The following PHACTR3 variants were observed in gnomAD, a reference collection of about 807,000 sequenced individuals.
PHACTR3 encodes the protein protein phosphatase 1, regulatory subunit 123.
Under a neutral mutation model 66.8 loss-of-function variants are expected in PHACTR3, and 16 were observed. That is an observed-to-expected ratio of 0.24 (90% confidence interval 0.16 to 0.36). PHACTR3 has a LOEUF of 0.36. Ranked by LOEUF, PHACTR3 falls within the 10% of genes least tolerant of loss-of-function variation. The pLI is 1.00. For synonymous variants in PHACTR3, 323 were observed against 292.1 expected, an observed-to-expected ratio of 1.11 and a Z score of -1.08; for missense variants, 647 against 719.9, an observed-to-expected ratio of 0.90 and a Z score of 1.16.
In PHACTR3 at chr20:59,828,372, C is replaced by T. The variant is rs75947733; in HGVS notation, c.1329-8133C>T. On this transcript the variant is annotated intron_variant, in intron 8 of 12. Transcript: ENST00000371015. ...CACTGTGATGGTGATTTTTCTGTAG[C>T]GGCAGCATTGGCATTGTGTGCTGTG... 5.8e-4 allele frequency among the ~76,000 whole-genome samples: 88 copies of T among 152,308 alleles called. 1 individual carries two copies. In the East Asian group the frequency reaches 8.5e-3, roughly 15 times the overall value.
intron 3 of PHACTR3, among the ~76,000 whole-genome samples, chr20:59,753,375 G>A (rs912922443): frequency 2.6e-5 from 4 of 152,154 alleles, no homozygotes; most frequent in African/African-American, 7.2e-5. Flanking sequence ...GCGGCAGAGG[G>A]AATATGATCA....
intron 7 of PHACTR3, among the ~76,000 whole-genome samples, chr20:59,780,856 A>G (rs942338794): frequency 2.0e-5 from 3 of 152,162 alleles, no homozygotes; most frequent in Non-Finnish European, 4.4e-5. Context: ...GGGTGACAAG[A>G]AAGTTCTTAT....
At chr20:59,657,132 G>A (rs1382578029) in intron 1 of PHACTR3, among the ~76,000 whole-genome samples, 1 of 151,836 alleles carries the variant, frequency 6.6e-6, no homozygotes, top group Non-Finnish European at 1.5e-5. Flanking sequence ...TTGTTCTTGT[G>A]GATTCAAGTT....
Position 59,633,666 on chromosome 20 carries a change from G to T in PHACTR3, c.118+28534G>T, listed in dbSNP as rs138189336. On this transcript the variant is annotated intron_variant, in intron 1 of 12. Transcript: ENST00000371015. ...AATAAAAGAAAATAGAAGCTCACTT[G>T]CCTGGATACTTTAATATTGCCTGGG... 1.3e-3 allele frequency among the ~76,000 whole-genome samples: 204 copies of T among 152,286 alleles called. 1 individual carries two copies. The highest frequency in any genetic ancestry group is 4.4e-3 in the African/African-American group (181 of 41,540).
chr20:59,584,121 G>A (rs2032945610), intron 1 of PHACTR3, among the ~76,000 whole-genome samples: 1 of 152,208 alleles, frequency 6.6e-6, no homozygotes, highest in South Asian at 2.1e-4. Context: ...TGTGTGCAAC[G>A]GGGCAGCCCT....
chr20:59,740,387 C>T (rs1002276143), intron 1 of PHACTR3, among the ~76,000 whole-genome samples: 3 of 152,200 alleles, frequency 2.0e-5, no homozygotes, highest in Admixed American at 1.3e-4. Flanking sequence ...TAGCTCACTG[C>T]AGTCTTGACC....
intron 1 of PHACTR3, among the ~76,000 whole-genome samples, chr20:59,590,248 T>C (rs1221541888): frequency 1.3e-5 from 2 of 152,254 alleles, no homozygotes; most frequent in African/African-American, 4.8e-5. Context: ...CTGAGTGCTA[T>C]TCCCTAGTGT....
chr20:59,662,860 AG>A (rs1407800123), intron 1 of PHACTR3, among the ~76,000 whole-genome samples: 1 of 152,166 alleles, frequency 6.6e-6, no homozygotes, highest in Non-Finnish European at 1.5e-5. Flanking sequence ...CGGACTTCAC[AG>A]GGAGGGTGAA....
At chr20:59,846,336 G>C (rs1469156543) in intron 12 of PHACTR3, among the ~76,000 whole-genome samples, 1 of 152,110 alleles carries the variant, frequency 6.6e-6, no homozygotes, top group African/African-American at 2.4e-5. Flanking sequence ...AATATATCAA[G>C]GGGAAGGGAA....
In PHACTR3 at chr20:59,772,422, G is replaced by A. The variant is rs890202956; in HGVS notation, c.752-857G>A. On this transcript the variant is annotated intron_variant, in intron 5 of 12. Transcript: ENST00000371015. Reference sequence around the variant, plus strand: ...AGGAGCAAGAAACAGACTGGGCAGCGTGATTCACTCCAAGTAAGAGGAAAA... The same window carrying A: ...AGGAGCAAGAAACAGACTGGGCAGCATGATTCACTCCAAGTAAGAGGAAAA... Among the ~76,000 whole-genome samples the A allele has an allele frequency of 4.6e-5, 7 of 152,318 alleles. No homozygotes were observed. In the South Asian group the frequency reaches 6.2e-4, roughly 14 times the overall value.
chr20:59,677,321 G>T (rs1223411936), intron 1 of PHACTR3, among the ~76,000 whole-genome samples: 2 of 152,164 alleles, frequency 1.3e-5, no homozygotes, highest in Non-Finnish European at 2.9e-5. Context: ...GTCCTTCCGG[G>T]ATCTCCACCA....
At position 59,724,442 on chromosome 20, in the gene PHACTR3, G is replaced by A. The variant is rs144982588; in HGVS notation, c.119-18665G>A. On this transcript the variant is annotated intron_variant, in intron 1 of 12. Transcript: ENST00000371015. Reference sequence around the variant, plus strand: ...GTTTTTTAAAAAGGCATCTGAATGGGGAGGAATAGGATCATTGTGAGGTCC... The same window carrying A: ...GTTTTTTAAAAAGGCATCTGAATGGAGAGGAATAGGATCATTGTGAGGTCC... 3.1e-3 allele frequency among the ~76,000 whole-genome samples: 466 copies of A among 152,232 alleles called. 2 individuals carry two copies. Among genetic ancestry groups the A allele is most frequent in the African/African-American group, 0.01 (417 of 41,544 alleles).
intron 1 of PHACTR3, among the ~76,000 whole-genome samples, chr20:59,698,031 A>G (rs2037363772): frequency 6.6e-6 from 1 of 152,226 alleles, no homozygotes; most frequent in African/African-American, 2.4e-5. Flanking sequence ...GGAGGCTTGG[A>G]CCAGGATGTT....
chr20:59,699,155 C>T (rs2037402701), intron 1 of PHACTR3, among the ~76,000 whole-genome samples: 2 of 152,178 alleles, frequency 1.3e-5, no homozygotes, highest in Admixed American at 1.3e-4. Context: ...GACGTAAGTG[C>T]AGAGCCCATT....
chr20:59,638,813 A>ATGGATGG (rs55829125), intron 1 of PHACTR3, among the ~76,000 whole-genome samples: 143 of 140,928 alleles, frequency 1.0e-3, no homozygotes, highest in East Asian at 5.5e-3. Flanking sequence ...TGGATGGACG[A>ATGGATGG]ATGGATGGGT....
chr20:59,584,434 G>A (rs2032959178), intron 1 of PHACTR3, among the ~76,000 whole-genome samples: 1 of 152,044 alleles, frequency 6.6e-6, no homozygotes, highest in Admixed American at 6.6e-5. Flanking sequence ...ATGTGTGTGA[G>A]GGTGTGAAGC....
At chr20:59,846,735 T>C (rs1326196357) in intron 12 of PHACTR3, among the ~76,000 whole-genome samples, 1 of 152,190 alleles carries the variant, frequency 6.6e-6, no homozygotes, top group African/African-American at 2.4e-5. Flanking sequence ...TTTTAAGAGT[T>C]TTAAAATTAC....
intron 1 of PHACTR3, among the ~76,000 whole-genome samples, chr20:59,720,737 A>G (rs1476148370): frequency 6.6e-6 from 1 of 152,232 alleles, no homozygotes; most frequent in Non-Finnish European, 1.5e-5. Context: ...CAAAGTGGCC[A>G]CTTCTCCTAA....
chr20:59,696,980 G>T lies in PHACTR3; in HGVS notation c.119-46127G>T, dbSNP rs2037321151. On this transcript the variant is annotated intron_variant, in intron 1 of 12. Transcript: ENST00000371015. ...ATCCAGTAAAGGGTCTCAGAGTTCAGCAGAGGGTGCTGGGATTCACCCCAA... is the reference window on the plus strand; with the variant it reads ...ATCCAGTAAAGGGTCTCAGAGTTCATCAGAGGGTGCTGGGATTCACCCCAA... Among the ~76,000 whole-genome samples the T allele has an allele frequency of 3.3e-5, 5 of 152,210 alleles. No individual in the cohort carries two copies. The South Asian group carries it at 1.0e-3, about 32-fold the overall frequency.
Sources: gnomAD v4.1 joint callset for allele counts (sites outside exome capture counted in the v4.1 genomes callset) on GRCh38, gnomAD v4.1.1 for gene constraint, MANE v1.5 for transcripts, NCBI Gene and HGNC (gene_info 2026-07-23, HGNC 2026-07-21) for gene names.